The following KDM3B variants were observed in gnomAD, a reference collection of about 807,000 sequenced individuals.
KDM3B encodes lysine demethylase 3B, also known as lysine-specific demethylase 3B.
A neutral mutation model predicts 170.0 loss-of-function variants in KDM3B; 10 were observed. The observed-to-expected ratio is 0.06, with a 90% CI of 0.04 to 0.10. The LOEUF (loss-of-function observed/expected upper bound fraction) is 0.10, where lower values mean the gene tolerates loss of function less well. Among genes scored for constraint, KDM3B ranks in the 10% least tolerant of loss-of-function variants. The pLI is 1.00. For missense variants in KDM3B, 1,394 were observed against 2,195.2 expected, an observed-to-expected ratio of 0.64 and a Z score of 7.29; for synonymous variants, 831 against 834.8, an observed-to-expected ratio of 1.00 and a Z score of 0.08.
intron 11 of KDM3B, among the ~76,000 whole-genome samples, chr5:138,409,157 C>T: frequency 6.6e-6 from 1 of 151,968 alleles, no homozygotes. Context: ...AACTTCTATT[C>T]AGTATTTTAC....
intron 11 of KDM3B, among the ~76,000 whole-genome samples, chr5:138,403,759 G>A (rs893804323): frequency 6.6e-6 from 1 of 150,744 alleles, no homozygotes; most frequent in South Asian, 2.1e-4. Context: ...TTGGGAGGCT[G>A]AGGCAGGAGG....
intron 1 of KDM3B, among the ~76,000 whole-genome samples, chr5:138,366,121 G>T (rs1265169892): frequency 6.6e-6 from 1 of 151,832 alleles, no homozygotes; most frequent in Non-Finnish European, 1.5e-5. Flanking sequence ...TCTGCAACTT[G>T]CTTTTTTCCC....
intron 1 of KDM3B, among the ~76,000 whole-genome samples, chr5:138,359,047 GT>G (rs1267638332): frequency 1.3e-5 from 2 of 149,478 alleles, no homozygotes; most frequent in African/African-American, 4.9e-5. Flanking sequence ...TGCGGTGTTT[GT>G]TTTTTTGTTC....
At chr5:138,354,974 A>G (rs1230819158) in intron 1 of KDM3B, among the ~76,000 whole-genome samples, 1 of 152,222 alleles carries the variant, frequency 6.6e-6, no homozygotes, top group Non-Finnish European at 1.5e-5. Flanking sequence ...TATTAATGAC[A>G]ATGACCAGTG....
At chr5:138,416,444 C>T (rs1223614095) in intron 12 of KDM3B, among the ~76,000 whole-genome samples, 1 of 151,900 alleles carries the variant, frequency 6.6e-6, no homozygotes, top group Non-Finnish European at 1.5e-5. Context: ...ATAAAGTTAG[C>T]CAGGCATGGT....
At chr5:138,416,651 T>C (rs943339398) in intron 12 of KDM3B, among the ~76,000 whole-genome samples, 2 of 150,484 alleles carry the variant, frequency 1.3e-5, no homozygotes, top group Admixed American at 6.6e-5. Context: ...GAGCATCCCC[T>C]GGATCCCTTA....
chr5:138,352,800 C>T lies in KDM3B; in HGVS notation c.5C>T (p.Ala2Val). 7.7e-7 allele frequency: 1 copy of T among 1,291,338 alleles called. No individual in the cohort carries two copies. Among genetic ancestry groups the T allele is most frequent in the South Asian group, 2.1e-5 (1 of 47,858 alleles). 80.0% of individuals were successfully genotyped at this position (1,291,338 alleles called of 1,614,324 possible). A position where few individuals can be genotyped will look rare whatever the true frequency, so the allele number is the denominator to read the frequency against. ...CGGGTCAGGCCGGCCCCGGCGATGG[C>T]GGACGCGGCGGCCTCCCCGGTGGGC... M[A>V]DAAASPVGKR... Residue 2 changes from alanine to valine, a missense_variant, in exon 1 of 24, where the codon GCG becomes GTG. This residue lies in a region of KDM3B where 99 missense variants were observed against 97.5 expected (regional missense o/e 1.02). Transcript: ENST00000314358.
chr5:138,403,049 A>G (rs1033138910), intron 11 of KDM3B, among the ~76,000 whole-genome samples: 2 of 152,234 alleles, frequency 1.3e-5, no homozygotes, highest in African/African-American at 4.8e-5. Context: ...CATGATTTGT[A>G]TTCCCACCAG....
At position 138,401,543 on chromosome 5, in the gene KDM3B, C is replaced by T. The variant is rs144671687; in HGVS notation, c.3199+1531C>T. 5.6e-3 allele frequency among the ~76,000 whole-genome samples: 846 copies of T among 152,296 alleles called. 7 individuals carry two copies. The highest frequency in any genetic ancestry group is 0.02 in the African/African-American group (819 of 41,562). On this transcript the variant is annotated intron_variant, in intron 11 of 23. Coordinates refer to ENST00000314358, the MANE Select transcript of KDM3B (RefSeq NM_016604.4). ...AGTTGATGGACTTTTGGGTTGCCTC[C>T]GCATTTGGCTATTATGAATAGTGCT...
chr5:138,368,951 A>G (rs1341613756), intron 1 of KDM3B, among the ~76,000 whole-genome samples: 1 of 152,238 alleles, frequency 6.6e-6, no homozygotes, highest in African/African-American at 2.4e-5. Context: ...TACAAAGAAT[A>G]AAAATCATTA....
intron 23 of KDM3B, among the ~76,000 whole-genome samples, chr5:138,433,463 A>G (rs1220606890): frequency 2.0e-5 from 3 of 149,464 alleles, no homozygotes; most frequent in South Asian, 2.1e-4. Flanking sequence ...TGAAAGTGCA[A>G]TGGTGTGATC....
chr5:138,406,980 AAT>A (rs1762839682), intron 11 of KDM3B, among the ~76,000 whole-genome samples: 1 of 132,008 alleles, frequency 7.6e-6, no homozygotes, highest in Admixed American at 8.7e-5. Flanking sequence ...TTATGCCAAT[AAT>A]TTTTTTTTTT....
At position 138,386,703 on chromosome 5, in the gene KDM3B, A is replaced by G. The variant is rs1023654340; in HGVS notation, c.1380+82A>G. The G allele has an allele frequency of 1.5e-5, 22 of 1,515,980 alleles. No homozygotes were observed. The Admixed American group carries it at 1.8e-4, about 12-fold the overall frequency. The allele number at this position is 1,515,980 out of a possible 1,614,324, so 93.9% of individuals were successfully genotyped here. ...TATTGCTAACATTAAAAAACATTCA[A>G]GTGCCCCAGGGAAGGAGTATTTCTG... On this transcript the variant is annotated intron_variant, in intron 7 of 23. Transcript: ENST00000314358.
At chr5:138,372,921 G>C in intron 2 of KDM3B, 80 bp downstream of exon 2, 1 of 1,267,364 alleles carries the variant, frequency 7.9e-7, no homozygotes, top group Non-Finnish European at 1.1e-6. Context: ...GACAGAGTAT[G>C]TGTAAGAACT....
intron 11 of KDM3B, among the ~76,000 whole-genome samples, chr5:138,402,580 A>G (rs1365195080): frequency 6.6e-6 from 1 of 152,256 alleles, no homozygotes; most frequent in Non-Finnish European, 1.5e-5. Context: ...CCCACCAGGT[A>G]TTCCATAAAT....
Position 138,428,223 on chromosome 5 carries a change from C to T in KDM3B, c.4753+137C>T, listed in dbSNP as rs1240871951. ...TTTTTCTGTTTTTTTTTTTGGGGGGCGGGGAGGCAGAGTCTCGCTCTGTCC... is the reference window on the plus strand; with the variant it reads ...TTTTTCTGTTTTTTTTTTTGGGGGGTGGGGAGGCAGAGTCTCGCTCTGTCC... On this transcript the variant is annotated intron_variant, in intron 20 of 23. Transcript: ENST00000314358. 8.7e-5 allele frequency: 78 copies of T among 893,378 alleles called. No homozygotes were observed. The Admixed American group carries it at 2.0e-3, about 23-fold the overall frequency. 55.3% of individuals were successfully genotyped at this position (893,378 alleles called of 1,614,324 possible). A position where few individuals can be genotyped will look rare whatever the true frequency, so the allele number is the denominator to read the frequency against.
intron 9 of KDM3B, among the ~76,000 whole-genome samples, chr5:138,397,155 C>A (rs906469912): frequency 2.0e-5 from 3 of 151,880 alleles, no homozygotes; most frequent in Non-Finnish European, 4.4e-5. Context: ...CATGGTAAAA[C>A]CCCGTCTCTA....
intron 1 of KDM3B, among the ~76,000 whole-genome samples, chr5:138,363,077 G>A (rs1441087187): frequency 1.3e-5 from 2 of 151,838 alleles, no homozygotes; most frequent in Non-Finnish European, 2.9e-5. Context: ...ACTGCTGACT[G>A]TTTATTTCAA....
chr5:138,429,790 C>T (rs370539308), intron 20 of KDM3B, 36 bp from the exon 21 acceptor site: 8 of 1,608,410 alleles, frequency 5.0e-6, no homozygotes, highest in Middle Eastern at 1.7e-4. Flanking sequence ...ACTGAAATGG[C>T]TGACTACATT....
Sources: gnomAD v4.1 joint callset for allele counts (sites outside exome capture counted in the v4.1 genomes callset) on GRCh38, gnomAD v4.1.1 for gene constraint, gnomAD v4.1.1 regional missense constraint, MANE v1.5 for transcripts, NCBI Gene and HGNC (gene_info 2026-07-23, HGNC 2026-07-21) for gene names.